The following SLC13A4 variants were observed in gnomAD, a reference collection of about 807,000 sequenced individuals.
SLC13A4 encodes the protein Na(+)/sulfate cotransporter SUT-1.
Under a neutral mutation model 72.7 loss-of-function variants are expected in SLC13A4, and 28 were observed. The observed-to-expected ratio is 0.39, with a 90% CI of 0.29 to 0.53. The LOEUF (loss-of-function observed/expected upper bound fraction) is 0.53. SLC13A4 is among the 20% of genes least tolerant of loss of function. SLC13A4 has a pLI of 0.78. For missense variants in SLC13A4, 653 were observed against 788.0 expected (o/e 0.83, Z 2.05); for synonymous variants, 312 against 325.5 (o/e 0.96, Z 0.45).
intron 1 of SLC13A4, among the ~76,000 whole-genome samples, chr7:135,722,894 T>C (rs1397039016): frequency 2.6e-5 from 4 of 152,150 alleles, no homozygotes; most frequent in African/African-American, 9.7e-5. Context: ...CATGGAACTC[T>C]CATTTTGGAT....
Position 135,727,620 on chromosome 7 carries a change from T to A in SLC13A4, c.-124A>T, listed in dbSNP as rs1442964029. The A allele has an allele frequency of 7.9e-7, 1 of 1,272,912 alleles. No homozygotes were observed. Among genetic ancestry groups the A allele is most frequent in the Non-Finnish European group, 1.1e-6 (1 of 946,002 alleles). The allele number at this position is 1,272,912 out of a possible 1,614,324, so 78.9% of individuals were successfully genotyped here. ...CTTTCTTGGCTTCCGAGAGTCCTCC[T>A]TCGTCTTGGGGGCAGAACGGGAGGG... On this transcript the variant is annotated 5_prime_UTR_variant, in exon 1 of 16. In the 5' UTR this introduces an upstream ATG that the reference lacks. Transcript: ENST00000682651.
At chr7:135,717,450 G>A (rs2129495289) in intron 2 of SLC13A4, among the ~76,000 whole-genome samples, 1 of 152,338 alleles carries the variant, frequency 6.6e-6, no homozygotes, top group East Asian at 1.9e-4. Flanking sequence ...CTCTTGAGGA[G>A]TTGTATAAAT....
chr7:135,695,277 C>T, intron 9 of SLC13A4, 91 bp downstream of exon 9: 1 of 1,522,554 alleles, frequency 6.6e-7, no homozygotes, highest in South Asian at 1.3e-5. Flanking sequence ...CTTGGCAGTC[C>T]CCCTTGCACA....
rs1334583904 is a variant in SLC13A4, at chr7:135,699,373, T to C, written c.890A>G (p.His297Arg). Residue 297 changes from histidine (H) to arginine (R), a missense_variant, in exon 8 of 16, where the codon CAC becomes CGC. Coordinates refer to ENST00000682651, the MANE Select transcript of SLC13A4 (RefSeq NM_001318192.2). ...GTSTSLIFLEHFNNQYPAAEV... is the reference protein window; with the variant it reads ...GTSTSLIFLERFNNQYPAAEV... ...CAAGTGAATCACTTACTTGTTGAAG[T>C]GTTCCAGGAAGATGAGGCTGGTGGA... is the stretch of plus-strand genomic sequence containing the variant. The C allele has an allele frequency of 6.2e-7, 1 of 1,608,844 alleles. No homozygotes were observed. The highest frequency in any genetic ancestry group is 8.5e-7 in the Non-Finnish European group (1 of 1,177,438).
chr7:135,713,704 G>A (rs1163491393), intron 2 of SLC13A4, among the ~76,000 whole-genome samples: 2 of 151,946 alleles, frequency 1.3e-5, no homozygotes, highest in African/African-American at 2.4e-5. Flanking sequence ...CAGCCTTCCC[G>A]GTAGCTATGA....
chr7:135,691,977 C>T, intron 11 of SLC13A4: 1 of 412,828 alleles, frequency 2.4e-6, no homozygotes, highest in South Asian at 3.1e-5. Flanking sequence ...CCTATGAAGG[C>T]CACACCTCCA....
intron 2 of SLC13A4, among the ~76,000 whole-genome samples, chr7:135,715,041 AG>A (rs1796384314): frequency 7.0e-6 from 1 of 142,544 alleles, no homozygotes; most frequent in Non-Finnish European, 1.5e-5. Flanking sequence ...AATGTGTGTG[AG>A]GGTATGAGTG....
chr7:135,700,531 ATCC>A (rs1387967323), intron 7 of SLC13A4, among the ~76,000 whole-genome samples: 14 of 152,178 alleles, frequency 9.2e-5, no homozygotes, highest in African/African-American at 3.4e-4. Flanking sequence ...CCTCTAAAAG[ATCC>A]ATTGATTAAC....
At chr7:135,710,970 G>C (rs1388580465) in intron 2 of SLC13A4, among the ~76,000 whole-genome samples, 1 of 151,174 alleles carries the variant, frequency 6.6e-6, no homozygotes, top group Non-Finnish European at 1.5e-5. Context: ...CACTCTGAGA[G>C]GGCGGTGATC....
At position 135,721,539 on chromosome 7, in the gene SLC13A4, A is replaced by G. The variant is rs928345211; in HGVS notation, c.100-16T>C. On this transcript the variant is annotated splice_polypyrimidine_tract_variant and intron_variant, in intron 1 of 15. Transcript: ENST00000682651. ...ACGAGGCCTCCTGCAAGGCAAGGAAAGGGGCCGTCATTCACAGGAATAGTC... is the reference window on the plus strand; with the variant it reads ...ACGAGGCCTCCTGCAAGGCAAGGAAGGGGGCCGTCATTCACAGGAATAGTC... 6.8e-6 allele frequency: 11 copies of G among 1,613,382 alleles called. No homozygotes were observed. The highest frequency in any genetic ancestry group is 8.5e-6 in the Non-Finnish European group (10 of 1,179,530).
intron 2 of SLC13A4, among the ~76,000 whole-genome samples, chr7:135,714,955 T>C (rs1049683614): frequency 6.6e-6 from 1 of 151,056 alleles, no homozygotes; most frequent in African/African-American, 2.4e-5. Context: ...CAGGTGAGAG[T>C]GTGTGTGAGT....
chr7:135,691,332 TAGAG>T lies in SLC13A4; in HGVS notation c.1322-11_1322-8del, dbSNP rs776397681. ...GAGTGCTCCTGGTTCTCTCCTGGAT[TAGAG>T]AGAGATGTAAAGCCAGATAAACCCT... is the stretch of plus-strand genomic sequence containing the variant. On this transcript the variant is annotated splice_region_variant and splice_polypyrimidine_tract_variant and intron_variant, in intron 12 of 15. Transcript: ENST00000682651. The T allele has an allele frequency of 6.2e-6, 10 of 1,607,850 alleles. No individual in the cohort carries two copies. Among genetic ancestry groups the T allele is most frequent in the African/African-American group, 2.7e-5 (2 of 74,160 alleles).
intron 1 of SLC13A4, among the ~76,000 whole-genome samples, chr7:135,724,422 G>A (rs1234728035): frequency 7.4e-5 from 11 of 148,704 alleles, no homozygotes; most frequent in Non-Finnish European, 1.3e-4. Context: ...CCTTGAACCC[G>A]GGAGGCAGAG....
Position 135,706,252 on chromosome 7 carries a change from C to G in SLC13A4, c.414G>C (p.Leu138=). The G allele has an allele frequency of 5.0e-6, 8 of 1,613,908 alleles. No homozygotes were observed. Among genetic ancestry groups the G allele is most frequent in the Non-Finnish European group, 6.8e-6 (8 of 1,179,830 alleles). Residue 138 remains leucine, a synonymous_variant, in exon 4 of 16, where the codon CTG becomes CTC. Coordinates refer to ENST00000682651, the MANE Select transcript of SLC13A4 (RefSeq NM_001318192.2). The stretch of plus-strand genomic sequence containing the variant: ...CCATGGCGGTGGTGGAGGTGTTGGA[C>G]AGCCACATGGACAGCAACGTGGTAC... The part of the protein sequence containing the change: ...MCCTTLLSMW[L]SNTSTTAMVM...
chr7:135,724,584 A>T (rs976369557), intron 1 of SLC13A4, among the ~76,000 whole-genome samples: 12 of 151,996 alleles, frequency 7.9e-5, no homozygotes, highest in Non-Finnish European at 1.6e-4. Context: ...TTTAGTTTTC[A>T]ATTAGGAGAA....
At chr7:135,683,745 C>T (rs1021972606) in intron 15 of SLC13A4, 19 of 985,310 alleles carry the variant, frequency 1.9e-5, no homozygotes, top group Non-Finnish European at 2.3e-5. Context: ...CATACACTTC[C>T]TCATTCTCAT....
intron 2 of SLC13A4, among the ~76,000 whole-genome samples, chr7:135,710,177 AATAC>A (rs1280042872): frequency 6.6e-6 from 1 of 152,246 alleles, no homozygotes; most frequent in Non-Finnish European, 1.5e-5. Context: ...CAGGAAAGGA[AATAC>A]ATAGTAAAAT....
At chr7:135,692,158 A>T in intron 11 of SLC13A4, 165 bp downstream of exon 11, 1 of 640,468 alleles carries the variant, frequency 1.6e-6, no homozygotes, top group Non-Finnish European at 2.8e-6. Flanking sequence ...GACTCCAAAG[A>T]GTGTTTTTCC....
Position 135,727,609 on chromosome 7 carries a change from G to T in SLC13A4, c.-113C>A. On this transcript the variant is annotated 5_prime_UTR_variant, in exon 1 of 16. Transcript: ENST00000682651. ...ACTTCTTAAACCTTTCTTGGCTTCC[G>T]AGAGTCCTCCTTCGTCTTGGGGGCA... 2.3e-6 allele frequency: 3 copies of T among 1,330,836 alleles called. No homozygotes were observed. The highest frequency in any genetic ancestry group is 3.0e-6 in the Non-Finnish European group (3 of 995,056). The allele number at this position is 1,330,836 out of a possible 1,614,324, so 82.4% of individuals were successfully genotyped here. A position where few individuals can be genotyped will look rare whatever the true frequency, so the allele number is the denominator to read the frequency against.
Sources: allele counts gnomAD v4.1 joint callset (sites outside exome capture counted in the v4.1 genomes callset), GRCh38; gene constraint gnomAD v4.1.1; transcripts MANE v1.5; gene names NCBI Gene and HGNC (gene_info 2026-07-23, HGNC 2026-07-21).